The following SYT1 variants were observed in gnomAD, a reference collection of about 807,000 sequenced individuals.
SYT1 encodes synaptotagmin 1.
SYT1 carries 8 observed loss-of-function variants against 44.8 expected under a neutral mutation model. The observed-to-expected ratio is 0.18, with a 90% CI of 0.10 to 0.32. SYT1 has a LOEUF of 0.32. Among genes scored for constraint, SYT1 ranks in the 10% least tolerant of loss-of-function variants. SYT1 has a pLI of 1.00. For missense variants in SYT1, 286 were observed against 509.3 expected (o/e 0.56, Z 4.22); for synonymous variants, 154 against 188.8 (o/e 0.82, Z 1.51).
chr12:79,040,350 G>A lies in SYT1; in HGVS notation c.-83-6947G>A, dbSNP rs1288870479. On this transcript the variant is annotated intron_variant, in intron 2 of 10. Coordinates refer to ENST00000261205, the MANE Select transcript of SYT1 (RefSeq NM_005639.3). ...TGAGATGGTATCTCATTGTGGTTTC[G>A]ATTTGCATTTCTCTGATGGCCAGTG... 3.9e-5 allele frequency among the ~76,000 whole-genome samples: 6 copies of A among 152,086 alleles called. No individual in the cohort carries two copies. The East Asian group carries it at 9.6e-4, about 24-fold the overall frequency.
intron 4 of SYT1, among the ~76,000 whole-genome samples, chr12:79,223,909 C>T (rs1189260901): frequency 6.6e-6 from 1 of 152,176 alleles, no homozygotes; most frequent in African/African-American, 2.4e-5. Flanking sequence ...TCTCTTTCCC[C>T]CAAGTTGACA....
chr12:79,000,334 C>T (rs1470674306), intron 2 of SYT1, among the ~76,000 whole-genome samples: 1 of 138,286 alleles, frequency 7.2e-6, no homozygotes, highest in Non-Finnish European at 1.5e-5. Context: ...GCTCTAGTTG[C>T]CCAGCGTGGA....
At chr12:79,402,709 G>A (rs1015992060) in intron 9 of SYT1, among the ~76,000 whole-genome samples, 3 of 152,196 alleles carry the variant, frequency 2.0e-5, no homozygotes, top group Non-Finnish European at 4.4e-5. Flanking sequence ...TCCTCAGTGT[G>A]TGAGGCAGGG....
chr12:79,333,559 A>T (rs778627402), intron 8 of SYT1, among the ~76,000 whole-genome samples: 2 of 152,176 alleles, frequency 1.3e-5, no homozygotes, highest in Non-Finnish European at 2.9e-5. Context: ...AGGTTCACTC[A>T]TATCTAAATC....
intron 3 of SYT1, among the ~76,000 whole-genome samples, chr12:79,054,031 T>C (rs922099805): frequency 1.3e-5 from 2 of 152,062 alleles, no homozygotes; most frequent in Non-Finnish European, 2.9e-5. Flanking sequence ...AGCTGTTTAG[T>C]AGGCATTGAA....
At chr12:79,363,562 C>CAA (rs201763605) in intron 9 of SYT1, among the ~76,000 whole-genome samples, 4 of 140,810 alleles carry the variant, frequency 2.8e-5, no homozygotes, top group East Asian at 2.0e-4. Flanking sequence ...CCCATCTCTA[C>CAA]AAAAAAAATT....
rs1450220916 is a variant in SYT1 at position 78,998,853 on chromosome 12, T to C, written c.-84+20922T>C. Among the ~76,000 whole-genome samples, 5 of 152,166 alleles carry C rather than the reference T, an allele frequency of 3.3e-5. No individual in the cohort carries two copies. In the East Asian group the frequency reaches 9.6e-4, roughly 29 times the overall value. ...TCACACAATGAGTACTCAGAAATAT[T>C]AAGTACAACAAGTTGCTGTACAGCT... On this transcript the variant is annotated intron_variant, in intron 2 of 10. Transcript: ENST00000261205.
intron 9 of SYT1, among the ~76,000 whole-genome samples, chr12:79,413,500 G>A (rs558674397): frequency 6.6e-6 from 1 of 152,244 alleles, no homozygotes; most frequent in South Asian, 2.1e-4. Context: ...GTTGTGTCAT[G>A]TTTCACTACA....
intron 3 of SYT1, among the ~76,000 whole-genome samples, chr12:79,076,988 C>A (rs1471569743): frequency 3.3e-5 from 5 of 152,176 alleles, no homozygotes; most frequent in Admixed American, 6.5e-5. Flanking sequence ...GGATTTTCCA[C>A]TTGCTGGATC....
chr12:79,341,114 A>C (rs985472583), intron 8 of SYT1: 1 of 152,220 alleles, frequency 6.6e-6, no homozygotes, highest in African/African-American at 2.4e-5. Context: ...AACCCAACAT[A>C]AGGGTTTGAC....
intron 1 of SYT1, among the ~76,000 whole-genome samples, chr12:78,973,054 T>C (rs1161011508): frequency 1.3e-5 from 2 of 152,200 alleles, no homozygotes; most frequent in Non-Finnish European, 2.9e-5. Context: ...CAATTTGTTT[T>C]GCCCAATCGG....
At chr12:79,430,685 G>A (rs1869725568) in intron 9 of SYT1, among the ~76,000 whole-genome samples, 1 of 152,210 alleles carries the variant, frequency 6.6e-6, no homozygotes, top group Non-Finnish European at 1.5e-5. Context: ...TACTTGGGAG[G>A]CTGAGGTGGG....
chr12:79,291,677 A>G (rs761601875), intron 5 of SYT1: 14 of 431,774 alleles, frequency 3.2e-5, no homozygotes, highest in Non-Finnish European at 5.5e-5. Flanking sequence ...TAGCATGTTT[A>G]TCTTTCCTCT....
intron 1 of SYT1, among the ~76,000 whole-genome samples, chr12:78,893,427 C>G (rs1324161507): frequency 6.6e-6 from 1 of 151,630 alleles, no homozygotes; most frequent in Non-Finnish European, 1.5e-5. Context: ...ACTTTCAAAG[C>G]CAACTCACCT....
At chr12:78,981,302 C>T (rs913043045) in intron 2 of SYT1, among the ~76,000 whole-genome samples, 2 of 151,508 alleles carry the variant, frequency 1.3e-5, no homozygotes, top group African/African-American at 4.8e-5. Context: ...TAATTTTGTA[C>T]TTTTAGTAGA....
At chr12:79,206,597 A>C (rs58478653) in intron 3 of SYT1, among the ~76,000 whole-genome samples, 9,408 of 152,246 alleles carry the variant, frequency 0.062, 581 homozygotes, top group African/African-American at 0.16. Flanking sequence ...ATCAGTCTCC[A>C]TGGCATTTTC....
At chr12:79,101,508 A>T (rs982311404) in intron 3 of SYT1, among the ~76,000 whole-genome samples, 2 of 152,210 alleles carry the variant, frequency 1.3e-5, no homozygotes, top group Non-Finnish European at 2.9e-5. Flanking sequence ...GTTTTAGAGA[A>T]GGTGAAAAGT....
chr12:79,278,482 A>C (rs1218622252), intron 4 of SYT1, among the ~76,000 whole-genome samples: 1 of 152,150 alleles, frequency 6.6e-6, no homozygotes, highest in Non-Finnish European at 1.5e-5. Context: ...ACAGTAACAC[A>C]ATGTATCAAA....
At position 78,929,431 on chromosome 12, in the gene SYT1, A is replaced by C. The variant is rs932479019; in HGVS notation, c.-216-48368A>C. On this transcript the variant is annotated intron_variant, in intron 1 of 10. Coordinates refer to ENST00000261205, the MANE Select transcript of SYT1 (RefSeq NM_005639.3). Reference sequence around the variant, plus strand: ...TCCCAAAAAAAAAAAAAAAAAAAAAAAAAAAAAAAAAAAAAGGTTATTAGC... The same window carrying C: ...TCCCAAAAAAAAAAAAAAAAAAAAACAAAAAAAAAAAAAAAGGTTATTAGC... Among the ~76,000 whole-genome samples, 153 of 142,954 alleles carry C rather than the reference A, an allele frequency of 1.1e-3. 20 individuals carry two copies. Among genetic ancestry groups the C allele is most frequent in the Admixed American group, 4.1e-4 (6 of 14,484 alleles). 93.8% of individuals were successfully genotyped at this position (142,954 alleles called of 152,430 possible).
Sources: allele counts gnomAD v4.1 joint callset (sites outside exome capture counted in the v4.1 genomes callset), GRCh38; gene constraint gnomAD v4.1.1; transcripts MANE v1.5; gene names NCBI Gene and HGNC (gene_info 2026-07-23, HGNC 2026-07-21).